Variants in PTPRD observed in about 807,000 individuals in gnomAD.
PTPRD encodes receptor-type tyrosine-protein phosphatase delta.
In PTPRD, 34 loss-of-function variants were observed where a neutral mutation model predicts 214.5. The ratio of observed to expected loss-of-function variants is 0.16; its 90% confidence interval spans 0.12 to 0.21. The LOEUF (loss-of-function observed/expected upper bound fraction) is 0.21, where lower values mean the gene tolerates loss of function less well. Among genes scored for constraint, PTPRD ranks in the 10% least tolerant of loss-of-function variants. PTPRD has a pLI of 1.00. For synonymous variants in PTPRD, 1,128 were observed against 845.7 expected, an observed-to-expected ratio of 1.33 and a Z score of -5.79; for missense variants, 2,545 against 2,398.7, an observed-to-expected ratio of 1.06 and a Z score of -1.27.
At chr9:9,899,643 T>C (rs1167311033) in intron 5 of PTPRD, among the ~76,000 whole-genome samples, 1 of 151,334 alleles carries the variant, frequency 6.6e-6, no homozygotes, top group Non-Finnish European at 1.5e-5. Context: ...AGTATGGAGG[T>C]TCCTCAAAAA....
chr9:9,140,796 T>G (rs578044243), intron 10 of PTPRD, among the ~76,000 whole-genome samples: 93 of 152,286 alleles, frequency 6.1e-4, no homozygotes, highest in African/African-American at 2.1e-3. Context: ...GCCAGGATGG[T>G]CTCGATCTCC....
At chr9:9,895,022 C>T (rs970131351) in intron 5 of PTPRD, among the ~76,000 whole-genome samples, 5 of 151,876 alleles carry the variant, frequency 3.3e-5, no homozygotes, top group Non-Finnish European at 7.4e-5. Flanking sequence ...TCCGGGTACA[C>T]AATGGGTTGA....
chr9:9,406,999 C>T (rs992205936), intron 8 of PTPRD, among the ~76,000 whole-genome samples: 2 of 151,638 alleles, frequency 1.3e-5, no homozygotes, highest in African/African-American at 4.8e-5. Flanking sequence ...TAGTAAATTA[C>T]TTACCCTCTC....
intron 3 of PTPRD, among the ~76,000 whole-genome samples, chr9:10,239,446 C>A (rs530744014): frequency 6.6e-6 from 1 of 152,032 alleles, no homozygotes; most frequent in South Asian, 2.1e-4. Flanking sequence ...TTAACTATTT[C>A]ATTGTAAATT....
rs542412864 is a variant in PTPRD, at chr9:9,999,387, A to G, written c.-472+34331T>C. Among the ~76,000 whole-genome samples the G allele has an allele frequency of 5.3e-5, 8 of 152,346 alleles. No homozygotes were observed. The East Asian group carries it at 1.5e-3, about 29-fold the overall frequency. On this transcript the variant is annotated intron_variant, in intron 4 of 45. Transcript: ENST00000381196. ...TGGGGAAGGGCTGCTCATCTTACTC[A>G]GTCCCACTGCTACCTCACCAGACTT...
rs201946678 is a variant in PTPRD, at chr9:9,483,780, CT to C, written c.-236-86299del. On this transcript the variant is annotated intron_variant, in intron 8 of 45. Transcript: ENST00000381196. ...AAACAAAGAAAGTAATGTCTTCTTT[CT>C]TTTTTTTTTTTTTTAAGTCATGCTA... Among the ~76,000 whole-genome samples, 782 of 137,556 alleles carry C rather than the reference CT, an allele frequency of 5.7e-3. 2 individuals are homozygous for C. Among genetic ancestry groups the C allele is most frequent in the East Asian group, 0.03 (142 of 4,764 alleles). 90.2% of individuals were successfully genotyped at this position (137,556 alleles called of 152,430 possible).
chr9:8,680,177 G>A (rs1036225577), intron 12 of PTPRD, among the ~76,000 whole-genome samples: 1 of 151,808 alleles, frequency 6.6e-6, no homozygotes, highest in African/African-American at 2.4e-5. Flanking sequence ...AGAAATAAAG[G>A]AAAGAATGAA....
intron 2 of PTPRD, among the ~76,000 whole-genome samples, chr9:10,347,877 G>T (rs1242695936): frequency 6.6e-6 from 1 of 151,954 alleles, no homozygotes; most frequent in Non-Finnish European, 1.5e-5. Context: ...GGCCAACATA[G>T]GGAAAACCTA....
intron 2 of PTPRD, among the ~76,000 whole-genome samples, chr9:10,514,183 T>C (rs191626650): frequency 6.6e-6 from 1 of 152,186 alleles, no homozygotes; most frequent in South Asian, 2.1e-4. Context: ...AATCAATAAA[T>C]ACAAATTTAT....
At chr9:10,124,424 C>G (rs2098799923) in intron 3 of PTPRD, among the ~76,000 whole-genome samples, 1 of 152,110 alleles carries the variant, frequency 6.6e-6, no homozygotes, top group Admixed American at 6.6e-5. Flanking sequence ...TACAACACAC[C>G]ATGCGTATTC....
chr9:8,388,985 T>G (rs1174968135), intron 37 of PTPRD, among the ~76,000 whole-genome samples: 1 of 115,102 alleles, frequency 8.7e-6, no homozygotes, highest in African/African-American at 5.2e-5. Flanking sequence ...AATATTCCTT[T>G]TTTTTTTTTT....
chr9:8,986,402 T>C (rs372609132), intron 11 of PTPRD, among the ~76,000 whole-genome samples: 48 of 152,030 alleles, frequency 3.2e-4, no homozygotes, highest in Middle Eastern at 3.4e-3. Context: ...GAGTTAACAG[T>C]TGTTTTCATT....
intron 30 of PTPRD, among the ~76,000 whole-genome samples, 175 bp from the exon 31 acceptor site, chr9:8,471,260 C>G (rs1488754590): frequency 6.6e-6 from 1 of 152,030 alleles, no homozygotes; most frequent in African/African-American, 2.4e-5. Flanking sequence ...TTAAAAACAA[C>G]ACGGGAAGAC....
intron 10 of PTPRD, among the ~76,000 whole-genome samples, chr9:9,164,761 C>T (rs2099898389): frequency 6.6e-6 from 1 of 151,922 alleles, no homozygotes; most frequent in South Asian, 2.1e-4. Context: ...GCCAGTAATC[C>T]CAGCACTTTG....
chr9:8,825,078 C>G (rs770484724), intron 11 of PTPRD, among the ~76,000 whole-genome samples: 12 of 152,226 alleles, frequency 7.9e-5, no homozygotes, highest in Non-Finnish European at 1.6e-4. Context: ...AAGCTGAGCC[C>G]TGCCATGAGT....
At chr9:10,538,013 A>T (rs951980542) in intron 2 of PTPRD, among the ~76,000 whole-genome samples, 3 of 152,072 alleles carry the variant, frequency 2.0e-5, no homozygotes, top group African/African-American at 7.2e-5. Context: ...TCTGGTGTAG[A>T]ATATAAAACC....
At chr9:9,119,752 G>C (rs971179115) in intron 10 of PTPRD, among the ~76,000 whole-genome samples, 1 of 151,798 alleles carries the variant, frequency 6.6e-6, no homozygotes, top group African/African-American at 2.4e-5. Context: ...TCGAACTTCT[G>C]AGCTCAGATG....
At chr9:9,470,866 C>A (rs953048276) in intron 8 of PTPRD, among the ~76,000 whole-genome samples, 2 of 152,088 alleles carry the variant, frequency 1.3e-5, no homozygotes, top group African/African-American at 4.8e-5. Context: ...TAAAATCAGG[C>A]AAGATAAAAC....
intron 9 of PTPRD, among the ~76,000 whole-genome samples, chr9:9,300,686 G>A (rs771797867): frequency 5.3e-5 from 8 of 151,762 alleles, no homozygotes; most frequent in East Asian, 1.9e-4. Context: ...GAAGTCAGCC[G>A]TTGGATAGGT....
Sources: gnomAD v4.1 joint callset for allele counts (sites outside exome capture counted in the v4.1 genomes callset) on GRCh38, gnomAD v4.1.1 for gene constraint, MANE v1.5 for transcripts, NCBI Gene and HGNC (gene_info 2026-07-23, HGNC 2026-07-21) for gene names.